DTNA: variants seen among roughly 807,000 people sequenced by gnomAD.
The protein encoded by DTNA is dystrobrevin alpha.
Under a neutral mutation model 100.7 loss-of-function variants are expected in DTNA, and 43 were observed. That is an observed-to-expected ratio of 0.43 (90% CI 0.33 to 0.55). DTNA has a LOEUF of 0.55. Among genes scored for constraint, DTNA ranks in the 20% least tolerant of loss-of-function variants. The pLI is 0.04. For synonymous variants in DTNA, 349 were observed against 347.9 expected, an observed-to-expected ratio of 1.00 and a Z score of -0.04; for missense variants, 798 against 953.9, an observed-to-expected ratio of 0.84 and a Z score of 2.15.
chr18:34,510,531 A>G (rs1022227962), intron 1 of DTNA, among the ~76,000 whole-genome samples: 1 of 151,670 alleles, frequency 6.6e-6, no homozygotes. Flanking sequence ...GTATTTTATA[A>G]TCAGTGGCAG....
chr18:34,663,345 A>T (rs559929493), intron 1 of DTNA, among the ~76,000 whole-genome samples: 8 of 152,014 alleles, frequency 5.3e-5, no homozygotes, highest in Admixed American at 2.0e-4. Flanking sequence ...TTTTGTAGAG[A>T]CAAGGTCTTG....
At chr18:34,707,933 A>T (rs1055262548), upstream of DTNA, among the ~76,000 whole-genome samples, 4 of 152,204 alleles carry the variant, frequency 2.6e-5, no homozygotes, top group Non-Finnish European at 4.4e-5. Flanking sequence ...GCAGTGCCAA[A>T]GCTATTTTAA....
At position 34,506,409 on chromosome 18, in the gene DTNA, A is replaced by G. The variant is rs534828383; in HGVS notation, c.-2+12895A>G. On this transcript the variant is annotated intron_variant, in intron 1 of 19. Transcript: ENST00000283365. ...GTCCCAGCTTTTTACTTGGCCTTCTATGACATCATCACGGTGGGGATGGGA... is the reference window on the plus strand; with the variant it reads ...GTCCCAGCTTTTTACTTGGCCTTCTGTGACATCATCACGGTGGGGATGGGA... 3.9e-5 allele frequency among the ~76,000 whole-genome samples: 6 copies of G among 152,216 alleles called. No homozygotes were observed. The South Asian group carries it at 6.2e-4, about 16-fold the overall frequency.
At chr18:34,586,894 G>A (rs967103812) in intron 1 of DTNA, among the ~76,000 whole-genome samples, 7 of 152,032 alleles carry the variant, frequency 4.6e-5, no homozygotes, top group Non-Finnish European at 1.0e-4. Flanking sequence ...GCTCCAATTC[G>A]AGTTGACTTT....
At chr18:34,705,795 T>C (rs927096723), upstream of DTNA, among the ~76,000 whole-genome samples, 6 of 152,162 alleles carry the variant, frequency 3.9e-5, no homozygotes, top group African/African-American at 1.4e-4. Flanking sequence ...ACTAAACATA[T>C]ATTAGCAGTA....
rs139926048 is a variant in DTNA at position 34,688,724 on chromosome 18, T to C, written c.-1-67252T>C. Among the ~76,000 whole-genome samples, 998 of 152,298 alleles carry C rather than the reference T, an allele frequency of 6.6e-3. 7 individuals are homozygous for C. The highest frequency in any genetic ancestry group is 0.011 in the Non-Finnish European group (724 of 68,028). On this transcript the variant is annotated intron_variant, in intron 1 of 19. Coordinates refer to the DTNA transcript ENST00000283365. ...GTTGAGGAAGTTCTCCTGAATAATATCCTGAAGTGTGTTTTCTAACTTAGT... is the reference window on the plus strand; with the variant it reads ...GTTGAGGAAGTTCTCCTGAATAATACCCTGAAGTGTGTTTTCTAACTTAGT...
chr18:34,551,343 C>A (rs1294077730), intron 1 of DTNA, among the ~76,000 whole-genome samples: 1 of 152,172 alleles, frequency 6.6e-6, no homozygotes, highest in Non-Finnish European at 1.5e-5. Context: ...GTTCGCCTCA[C>A]CACAGCCATC....
At position 34,794,077 on chromosome 18, in the gene DTNA, G is replaced by T; in HGVS notation, c.189G>T (p.Arg63=). 1.9e-6 allele frequency: 3 copies of T among 1,614,072 alleles called. No individual in the cohort carries two copies. The highest frequency in any genetic ancestry group is 2.5e-6 in the Non-Finnish European group (3 of 1,179,994). ...VDIWNVIEAL[R]ENALNNLDPN... Reference sequence around the variant, plus strand: ...TATGGAATGTCATAGAAGCATTGCGGGAAAATGCTCTGAACAACCTGGACC... The same window carrying T: ...TATGGAATGTCATAGAAGCATTGCGTGAAAATGCTCTGAACAACCTGGACC... Residue 63 remains arginine, a synonymous_variant, in exon 4 of 23, where the codon CGG becomes CGT. Transcript: ENST00000444659.
In DTNA at chr18:34,493,798, C is replaced by G. The variant is rs1378199552; in HGVS notation, c.-2+284C>G. Reference sequence around the variant, plus strand: ...CACCGAGCAAAGTCAAGAGTGGAAGCGGGCGGAGAGCGCCGGCGGGGGCAG... The same window carrying G: ...CACCGAGCAAAGTCAAGAGTGGAAGGGGGCGGAGAGCGCCGGCGGGGGCAG... On this transcript the variant is annotated intron_variant, in intron 1 of 19. Transcript: ENST00000283365. The G allele has an allele frequency of 5.4e-5, 8 of 148,904 alleles. 2 individuals are homozygous for G. Among genetic ancestry groups the G allele is most frequent in the Admixed American group, 5.3e-4 (8 of 15,008 alleles). 9.2% of individuals were successfully genotyped at this position (148,904 alleles called of 1,614,324 possible).
At chr18:34,720,773 G>A (rs552019229) in intron 1 of DTNA, among the ~76,000 whole-genome samples, 3 of 152,306 alleles carry the variant, frequency 2.0e-5, no homozygotes, top group East Asian at 3.9e-4. Context: ...AGCTGGGGAT[G>A]TGGGGTGGGG....
intron 3 of DTNA, chr18:34,767,627 G>A (rs1194982163): frequency 1.3e-5 from 2 of 152,208 alleles, no homozygotes; most frequent in East Asian, 3.9e-4. Flanking sequence ...AGAGTCTCAA[G>A]ATGGTGCAGG....
chr18:34,494,354 G>T (rs1320865377), intron 1 of DTNA, among the ~76,000 whole-genome samples: 1 of 105,184 alleles, frequency 9.5e-6, no homozygotes, highest in East Asian at 3.1e-4. Context: ...TGGGCTCCGG[G>T]CCCCGGGGAC....
At chr18:34,612,503 C>G (rs570602954) in intron 1 of DTNA, among the ~76,000 whole-genome samples, 1 of 152,234 alleles carries the variant, frequency 6.6e-6, no homozygotes, top group Non-Finnish European at 1.5e-5. Flanking sequence ...CTCAGCCTAC[C>G]CTCAGCGGAA....
intron 4 of DTNA, 96 bp from the exon 5 acceptor site, chr18:34,806,123 T>C (rs1228764583): frequency 3.8e-6 from 4 of 1,043,354 alleles, no homozygotes; most frequent in African/African-American, 1.6e-5. Context: ...TTCTACAGAA[T>C]AGAAAATGTC....
At chr18:34,598,044 T>C (rs780865692) in intron 1 of DTNA, among the ~76,000 whole-genome samples, 37 of 152,158 alleles carry the variant, frequency 2.4e-4, no homozygotes, top group Admixed American at 6.5e-4. Context: ...AGGAATTTGT[T>C]TTGTTAATAT....
At chr18:34,537,707 T>G (rs1439804768) in intron 1 of DTNA, among the ~76,000 whole-genome samples, 1 of 151,790 alleles carries the variant, frequency 6.6e-6, no homozygotes, top group Non-Finnish European at 1.5e-5. Context: ...AACAATAACC[T>G]GGAACTATAA....
intron 1 of DTNA, among the ~76,000 whole-genome samples, chr18:34,667,382 G>T (rs978989512): frequency 3.3e-5 from 5 of 152,184 alleles, no homozygotes; most frequent in African/African-American, 1.2e-4. Flanking sequence ...GCGACAATTT[G>T]ACTTCCTCTT....
chr18:34,659,229 A>G (rs550847143), intron 1 of DTNA, among the ~76,000 whole-genome samples: 1 of 152,380 alleles, frequency 6.6e-6, no homozygotes, highest in African/African-American at 2.4e-5. Context: ...ACATTAAAAA[A>G]GGAAAAAGAA....
At chr18:34,762,678 C>T (rs909347849) in intron 2 of DTNA, among the ~76,000 whole-genome samples, 2 of 152,188 alleles carry the variant, frequency 1.3e-5, no homozygotes, top group Non-Finnish European at 2.9e-5. Context: ...ATGGATCCTG[C>T]AGCTAACACA....
Sources: gnomAD v4.1 joint callset for allele counts (sites outside exome capture counted in the v4.1 genomes callset) on GRCh38, gnomAD v4.1.1 for gene constraint, MANE v1.5 for transcripts, NCBI Gene and HGNC (gene_info 2026-07-23, HGNC 2026-07-21) for gene names.